SDK1: variants seen among roughly 807,000 people sequenced by gnomAD.
SDK1 encodes protein sidekick-1.
Under a neutral mutation model 245.5 loss-of-function variants are expected in SDK1, and 157 were observed. The observed-to-expected ratio is 0.64, with a 90% CI of 0.56 to 0.73. The LOEUF (loss-of-function observed/expected upper bound fraction) is 0.73. Ranked by LOEUF, SDK1 falls within the 30% of genes least tolerant of loss-of-function variation. SDK1 has a pLI of 0.00. For missense variants in SDK1, 3,583 were observed against 3,002.3 expected, an observed-to-expected ratio of 1.19 and a Z score of -4.52; for synonymous variants, 1,647 against 1,278.5, an observed-to-expected ratio of 1.29 and a Z score of -6.15.
chr7:4,066,452 G>A (rs78282392), intron 19 of SDK1, among the ~76,000 whole-genome samples: 7,086 of 152,234 alleles, frequency 0.047, 289 homozygotes, highest in African/African-American at 0.099. Flanking sequence ...CCATTTGCTC[G>A]TAAGACGCCA....
At chr7:3,807,390 T>C (rs1337490645) in intron 4 of SDK1, among the ~76,000 whole-genome samples, 1 of 152,210 alleles carries the variant, frequency 6.6e-6, no homozygotes, top group African/African-American at 2.4e-5. Flanking sequence ...TGCTGTGGTA[T>C]AGTCGCGCTC....
rs145727345 is a variant in SDK1, at chr7:3,919,280, GGC to G, written c.848-31642_848-31641del. Among the ~76,000 whole-genome samples, 310 of 152,330 alleles carry G rather than the reference GGC, an allele frequency of 2.0e-3. 2 individuals carry two copies. The East Asian group carries it at 0.036, about 18-fold the overall frequency. On this transcript the variant is annotated intron_variant, in intron 5 of 44. Coordinates refer to ENST00000404826, the MANE Select transcript of SDK1 (RefSeq NM_152744.4). The stretch of plus-strand genomic sequence containing the variant: ...AGTGCACAATTAGTTCCTCTGCCAA[GGC>G]AAGATCTGGGGTGCATGGCCGGCCT...
At chr7:4,028,204 G>A (rs1447452620) in intron 17 of SDK1, among the ~76,000 whole-genome samples, 3 of 152,040 alleles carry the variant, frequency 2.0e-5, no homozygotes, top group African/African-American at 2.4e-5. Flanking sequence ...TATGTGTTTC[G>A]ACATGCCCTC....
chr7:3,842,481 A>G (rs1361328684), intron 5 of SDK1, among the ~76,000 whole-genome samples: 2 of 151,956 alleles, frequency 1.3e-5, no homozygotes, highest in Non-Finnish European at 2.9e-5. Flanking sequence ...CATGGGTACT[A>G]GGTCGCTGTA....
At chr7:4,144,197 A>G (rs1485132937) in intron 28 of SDK1, among the ~76,000 whole-genome samples, 1 of 152,146 alleles carries the variant, frequency 6.6e-6, no homozygotes, top group Non-Finnish European at 1.5e-5. Flanking sequence ...GCCCTCGGTC[A>G]GTCAGTGACT....
At chr7:3,776,010 G>A (rs570558428) in intron 4 of SDK1, among the ~76,000 whole-genome samples, 4 of 152,310 alleles carry the variant, frequency 2.6e-5, no homozygotes, top group Admixed American at 1.3e-4. Flanking sequence ...TCCTAATCAC[G>A]TGTAACGTAT....
intron 17 of SDK1, among the ~76,000 whole-genome samples, chr7:4,040,465 C>T (rs77619534): frequency 2.3e-3 from 352 of 149,848 alleles, no homozygotes; most frequent in Admixed American, 4.2e-3. Context: ...TTGTCTCACG[C>T]TGACGAAATC....
chr7:3,607,023 A>C (rs1781446893), intron 1 of SDK1, among the ~76,000 whole-genome samples: 1 of 152,216 alleles, frequency 6.6e-6, no homozygotes, highest in South Asian at 2.1e-4. Context: ...TGTTTTGATA[A>C]AAAGAGAAAG....
At chr7:3,682,722 GTTTTT>G (rs67113946) in intron 4 of SDK1, among the ~76,000 whole-genome samples, 1 of 149,206 alleles carries the variant, frequency 6.7e-6, no homozygotes, top group Admixed American at 6.7e-5. Context: ...TGGATTTACA[GTTTTT>G]TTTTTTTTTA....
At chr7:3,468,496 T>C (rs1263144465) in intron 1 of SDK1, among the ~76,000 whole-genome samples, 1 of 152,154 alleles carries the variant, frequency 6.6e-6, no homozygotes, top group Non-Finnish European at 1.5e-5. Context: ...TAGCCAGCCA[T>C]AAAACCTAAA....
intron 1 of SDK1, among the ~76,000 whole-genome samples, chr7:3,404,554 A>C (rs60243572): frequency 0.17 from 25,741 of 152,238 alleles, 3,613 homozygotes; most frequent in African/African-American, 0.39. Flanking sequence ...TTTTGTTGTG[A>C]AAGAATATTC....
rs142756208 is a variant in SDK1 at position 4,004,589 on chromosome 7, G to A, written c.2132-6377G>A. On this transcript the variant is annotated intron_variant, in intron 14 of 44. Transcript: ENST00000404826. ...TTCTAAGAACTTTTTATTATTAGAA[G>A]TACTAAATACACACAAAAATATAGC... 8.1e-4 allele frequency among the ~76,000 whole-genome samples: 123 copies of A among 152,204 alleles called. 1 individual carries two copies. Among genetic ancestry groups the A allele is most frequent in the African/African-American group, 2.9e-3 (122 of 41,544 alleles).
At chr7:3,527,783 T>C (rs921443951) in intron 1 of SDK1, among the ~76,000 whole-genome samples, 1 of 150,168 alleles carries the variant, frequency 6.7e-6, no homozygotes, top group African/African-American at 2.5e-5. Context: ...TGAGGTTGGA[T>C]CATAGCCAGC....
intron 4 of SDK1, among the ~76,000 whole-genome samples, chr7:3,737,820 G>T (rs1025614666): frequency 6.6e-6 from 1 of 152,174 alleles, no homozygotes; most frequent in Non-Finnish European, 1.5e-5. Flanking sequence ...TTCCCTACTG[G>T]AAAAACATAG....
At chr7:3,854,337 A>G (rs1780488969) in intron 5 of SDK1, among the ~76,000 whole-genome samples, 1 of 152,192 alleles carries the variant, frequency 6.6e-6, no homozygotes, top group South Asian at 2.1e-4. Flanking sequence ...TAAATAATTA[A>G]TGTAACAATA....
chr7:3,750,074 C>T (rs1459802148), intron 4 of SDK1, among the ~76,000 whole-genome samples: 1 of 152,170 alleles, frequency 6.6e-6, no homozygotes, highest in Non-Finnish European at 1.5e-5. Flanking sequence ...GCAGAAAATT[C>T]ACCTCATTTA....
At chr7:3,341,087 G>A (rs568270247) in intron 1 of SDK1, among the ~76,000 whole-genome samples, 9 of 152,240 alleles carry the variant, frequency 5.9e-5, no homozygotes, top group African/African-American at 2.2e-4. Context: ...CCACAGTTCA[G>A]TATCGCTCAT....
chr7:3,800,203 C>T lies in SDK1; in HGVS notation c.714-21247C>T, dbSNP rs575548000. ...AATATTATGGGGGAACACAAAACTT[C>T]CATTTCCTAATTTTTAATCCCTTGT... On this transcript the variant is annotated intron_variant, in intron 4 of 44. Coordinates refer to ENST00000404826, the MANE Select transcript of SDK1 (RefSeq NM_152744.4). 2.0e-5 allele frequency among the ~76,000 whole-genome samples: 3 copies of T among 152,168 alleles called. No individual in the cohort carries two copies. In the South Asian group the frequency reaches 6.2e-4, roughly 32 times the overall value.
At chr7:4,110,462 C>T (rs1783265716) in intron 22 of SDK1, among the ~76,000 whole-genome samples, 1 of 152,152 alleles carries the variant, frequency 6.6e-6, no homozygotes, top group African/African-American at 2.4e-5. Context: ...CTAAAACTCA[C>T]CCAGACTTGA....
Sources: gnomAD v4.1 joint callset for allele counts (sites outside exome capture counted in the v4.1 genomes callset) on GRCh38, gnomAD v4.1.1 for gene constraint, MANE v1.5 for transcripts, NCBI Gene and HGNC (gene_info 2026-07-23, HGNC 2026-07-21) for gene names.